The following CHD1L variants were observed in gnomAD, a reference collection of about 807,000 sequenced individuals.
CHD1L encodes chromodomain helicase DNA binding protein 1 like, also known as ATP-dependent chromatin remodeler CHD1L.
Under a neutral mutation model 115.9 loss-of-function variants are expected in CHD1L, and 118 were observed. The observed-to-expected ratio is 1.02, with a 90% CI of 0.88 to 1.19. The LOEUF (loss-of-function observed/expected upper bound fraction) is 1.19. CHD1L is among the 50% of genes most tolerant of loss of function. The pLI, the probability that CHD1L is intolerant of heterozygous loss-of-function variation, is 0.00. For synonymous variants in CHD1L, 411 were observed against 387.1 expected (o/e 1.06, Z -0.72); for missense variants, 1,179 against 1,065.3 (o/e 1.11, Z -1.49).
chr1:147,245,014 A>C (rs782228274), intron 1 of CHD1L, among the ~76,000 whole-genome samples: 1 of 152,236 alleles, frequency 6.6e-6, no homozygotes, highest in East Asian at 1.9e-4. Flanking sequence ...TTGGTTACCA[A>C]TATTGATGGA....
intron 18 of CHD1L, among the ~76,000 whole-genome samples, chr1:147,287,092 A>C (rs1683466031): frequency 6.6e-6 from 1 of 152,182 alleles, no homozygotes; most frequent in East Asian, 1.9e-4. Flanking sequence ...AAATACACTT[A>C]TGGCAGCAGG....
At chr1:147,249,505 A>G (rs1456813275) in intron 1 of CHD1L, among the ~76,000 whole-genome samples, 2 of 142,418 alleles carry the variant, frequency 1.4e-5, no homozygotes, top group Non-Finnish European at 3.0e-5. Flanking sequence ...TCCTGGGTTC[A>G]AGCAATTTTC....
chr1:147,278,042 T>C (rs1430085656), intron 14 of CHD1L, among the ~76,000 whole-genome samples: 1 of 152,126 alleles, frequency 6.6e-6, no homozygotes, highest in Admixed American at 6.5e-5. Context: ...AGAGCGACTC[T>C]GTTGGACTTC....
At chr1:147,276,922 A>G (rs149101377) in intron 14 of CHD1L, among the ~76,000 whole-genome samples, 2 of 152,336 alleles carry the variant, frequency 1.3e-5, no homozygotes, top group East Asian at 1.9e-4. Flanking sequence ...GATACTAGAA[A>G]GATGCAGGTA....
chr1:147,280,155 G>T lies in CHD1L; in HGVS notation c.1669G>T (p.Ala557Ser). 6.2e-7 allele frequency: 1 copy of T among 1,611,288 alleles called. No individual in the cohort carries two copies. Among genetic ancestry groups the T allele is most frequent in the Middle Eastern group, 1.7e-4 (1 of 5,986 alleles). Residue 557 changes from alanine (A) to serine (S), a missense_variant, in exon 15 of 23, where the codon GCA becomes TCA. By Grantham distance (99) the Ala-to-Ser change is moderately conservative. Transcript: ENST00000369258. ...DGQWVSDALP[A>S]AEGGSRDQEE... ...CCAGTGGGTCTCTGATGCCTTGCCT[G>T]CAGCAGAAGGAGGGAGCAGAGATCA...
rs1673744448 is a variant in CHD1L at position 147,265,951 on chromosome 1, C to G, written c.759C>G (p.Leu253=). The change falls in exon 8 of 23, where the codon CTC becomes CTG. Residue 253 remains leucine (L), a synonymous_variant. Coordinates refer to ENST00000369258, the MANE Select transcript of CHD1L (RefSeq NM_004284.6). ...ESESASELHK[L]LQPFLLRRVK... ...ATGTAGCAAGTGAACTGCACAAACT[C>G]TTGCAGCCATTTCTGCTGAGGCGAG... 1.2e-6 allele frequency: 2 copies of G among 1,612,414 alleles called. No homozygotes were observed. Among genetic ancestry groups the G allele is most frequent in the East Asian group, 2.2e-5 (1 of 44,862 alleles).
chr1:147,178,698 G>C, the CHD1L span: 7 of 1,576,708 alleles, frequency 4.4e-6, no homozygotes, highest in Non-Finnish European at 6.1e-6. Flanking sequence ...TGGTGAACGA[G>C]TATGATGATA....
intron 12 of CHD1L, among the ~76,000 whole-genome samples, chr1:147,272,786 G>A (rs782326280): frequency 1.1e-4 from 16 of 151,652 alleles, no homozygotes; most frequent in Non-Finnish European, 1.8e-4. Context: ...GATTTAAATC[G>A]TGAATATTAC....
At chr1:147,198,872 A>AAAAAAAAAAAAAG in the CHD1L span, among the ~76,000 whole-genome samples, 3 of 144,590 alleles carry the variant, frequency 2.1e-5, no homozygotes, top group Non-Finnish European at 4.5e-5. Context: ...AAAAAAAAAA[A>AAAAAAAAAAAAAG]AAAGAAAGAA....
the CHD1L span, among the ~76,000 whole-genome samples, chr1:147,194,815 T>G: frequency 3.3e-5 from 5 of 152,126 alleles, no homozygotes; most frequent in East Asian, 3.9e-4. Context: ...TTCTTTTCTT[T>G]AAGAATGTTG....
chr1:147,191,654 A>T, the CHD1L span, among the ~76,000 whole-genome samples: 1 of 146,878 alleles, frequency 6.8e-6, no homozygotes, highest in African/African-American at 2.6e-5. Context: ...CTCTGATGGT[A>T]GTTTCTTTAG....
chr1:147,225,463 ATTC>A, the CHD1L span: 1 of 166,840 alleles, frequency 6.0e-6, no homozygotes, highest in Non-Finnish European at 1.3e-5. Context: ...AGCGGCACCC[ATTC>A]TCCCTCCCTC....
chr1:147,238,421 G>T (rs1274333684), upstream of CHD1L, among the ~76,000 whole-genome samples: 1 of 152,192 alleles, frequency 6.6e-6, no homozygotes, highest in Non-Finnish European at 1.5e-5. Flanking sequence ...CTTAATCCAT[G>T]CTTGTTTTGG....
intron 15 of CHD1L, among the ~76,000 whole-genome samples, chr1:147,283,828 T>C (rs587659307): frequency 6.6e-6 from 1 of 152,302 alleles, no homozygotes; most frequent in East Asian, 1.9e-4. Context: ...CAGTTTTCCC[T>C]TTCAAAAGTA....
the CHD1L span, chr1:147,224,826 G>A: frequency 6.6e-7 from 1 of 1,506,670 alleles, no homozygotes; most frequent in Non-Finnish European, 9.2e-7. Flanking sequence ...ACACTGTTAA[G>A]ATAAACTGTC....
At chr1:147,272,612 C>T (rs587694155) in intron 12 of CHD1L, 17 of 178,754 alleles carry the variant, frequency 9.5e-5, no homozygotes, top group East Asian at 4.5e-4. Flanking sequence ...TCTTCCCAAC[C>T]GTGAATTTGG....
chr1:147,286,090 G>C (rs886364714), intron 17 of CHD1L, among the ~76,000 whole-genome samples: 3 of 152,176 alleles, frequency 2.0e-5, no homozygotes, highest in African/African-American at 7.2e-5. Flanking sequence ...GGAACATTCA[G>C]GGAGTGCTCA....
the CHD1L span, among the ~76,000 whole-genome samples, chr1:147,214,111 A>G: frequency 6.6e-6 from 1 of 152,294 alleles, no homozygotes; most frequent in East Asian, 1.9e-4. Context: ...AGGAAACACT[A>G]TGTGCTTCTA....
intron 13 of CHD1L, among the ~76,000 whole-genome samples, chr1:147,275,818 G>C (rs1678221763): frequency 6.7e-6 from 1 of 148,536 alleles, no homozygotes; most frequent in Non-Finnish European, 1.5e-5. Flanking sequence ...GTTGCCCTTT[G>C]ATCTGAGGAT....
Sources: gnomAD v4.1 joint callset for allele counts (sites outside exome capture counted in the v4.1 genomes callset) on GRCh38, gnomAD v4.1.1 for gene constraint, MANE v1.5 for transcripts, NCBI Gene and HGNC (gene_info 2026-07-23, HGNC 2026-07-21) for gene names.